The following RAB8B variants were observed in gnomAD, a reference collection of about 807,000 sequenced individuals.
RAB8B encodes RAB8B, member RAS oncogene family, also known as ras-related protein Rab-8B.
RAB8B carries 11 observed loss-of-function variants against 32.0 expected under a neutral mutation model. That is an observed-to-expected ratio of 0.34 (90% CI 0.22 to 0.57). RAB8B has a LOEUF of 0.57. Ranked by LOEUF, RAB8B falls within the 20% of genes least tolerant of loss-of-function variation. The pLI is 0.86. For synonymous variants in RAB8B, 103 were observed against 89.6 expected, an observed-to-expected ratio of 1.15 and a Z score of -0.85; for missense variants, 190 against 258.5, an observed-to-expected ratio of 0.73 and a Z score of 1.82.
At chr15:63,227,755 A>G (rs1413602846) in intron 1 of RAB8B, among the ~76,000 whole-genome samples, 1 of 152,204 alleles carries the variant, frequency 6.6e-6, no homozygotes, top group Non-Finnish European at 1.5e-5. Context: ...AAACAGAAAG[A>G]TGAGTTAAAA....
intron 1 of RAB8B, among the ~76,000 whole-genome samples, chr15:63,208,843 A>G (rs1411468298): frequency 6.6e-6 from 1 of 150,732 alleles, no homozygotes; most frequent in African/African-American, 2.4e-5. Flanking sequence ...TGTTGTTCCT[A>G]TAAGTAGAAC....
intron 1 of RAB8B, among the ~76,000 whole-genome samples, chr15:63,199,162 G>A (rs1467806199): frequency 6.6e-6 from 1 of 152,202 alleles, no homozygotes; most frequent in Admixed American, 6.5e-5. Context: ...CCAAGATTTA[G>A]AGAGAGGGGA....
intron 1 of RAB8B, among the ~76,000 whole-genome samples, chr15:63,239,788 T>C (rs2038016671): frequency 6.6e-6 from 1 of 152,150 alleles, no homozygotes; most frequent in African/African-American, 2.4e-5. Flanking sequence ...ACCTACCCTT[T>C]AATTTAGTTA....
At chr15:63,231,625 T>A (rs2037937930) in intron 1 of RAB8B, among the ~76,000 whole-genome samples, 1 of 152,010 alleles carries the variant, frequency 6.6e-6, no homozygotes, top group Non-Finnish European at 1.5e-5. Context: ...ATAATAGAGG[T>A]TCATACTCGA....
At position 63,248,743 on chromosome 15, in the gene RAB8B, T is replaced by C. The variant is rs193106019; in HGVS notation, c.186-902T>C. Among the ~76,000 whole-genome samples the C allele has an allele frequency of 4.5e-4, 69 of 152,308 alleles. No homozygotes were observed. The highest frequency in any genetic ancestry group is 3.4e-3 in the Middle Eastern group (1 of 294). On this transcript the variant is annotated intron_variant, in intron 2 of 7. Coordinates refer to ENST00000321437, the MANE Select transcript of RAB8B (RefSeq NM_016530.3). This position sits in a 1 kb window ranked among gnomAD's most constrained non-coding sequence, Gnocchi z 4.4. ...AAGGTGTTTATTGCTTTTTAACTTA[T>C]GATATTCCCTTGGGCCTTCATCTTT...
Position 63,189,692 on chromosome 15 carries a change from G to A in RAB8B, c.68G>A (p.Cys23Tyr). 1.2e-6 allele frequency: 2 copies of A among 1,613,568 alleles called. No individual in the cohort carries two copies. The highest frequency in any genetic ancestry group is 1.7e-6 in the Non-Finnish European group (2 of 1,179,732). ...LIGDSGVGKT[C>Y]LLFRFSEDAF... Reference sequence around the variant, plus strand: ...GGCGACTCGGGGGTAGGCAAGACCTGCCTCCTGTTCCGCTTCTCAGAGGAC... The same window carrying A: ...GGCGACTCGGGGGTAGGCAAGACCTACCTCCTGTTCCGCTTCTCAGAGGAC... The change falls in exon 1 of 8, where the codon TGC becomes TAC. Residue 23 changes from cysteine to tyrosine, a missense_variant. Coordinates refer to ENST00000321437, the MANE Select transcript of RAB8B (RefSeq NM_016530.3).
intron 1 of RAB8B, among the ~76,000 whole-genome samples, chr15:63,241,759 G>A (rs915552895): frequency 4.6e-5 from 7 of 152,098 alleles, no homozygotes; most frequent in African/African-American, 1.7e-4. Context: ...CTTGATGCCA[G>A]GCCCAAAGAG....
chr15:63,199,032 T>A (rs2037626281), intron 1 of RAB8B, among the ~76,000 whole-genome samples: 1 of 152,248 alleles, frequency 6.6e-6, no homozygotes, highest in Non-Finnish European at 1.5e-5. Flanking sequence ...CTTCTAAATA[T>A]CTCTGAGTAA....
chr15:63,235,930 C>G (rs2037975303), intron 1 of RAB8B, among the ~76,000 whole-genome samples: 1 of 152,064 alleles, frequency 6.6e-6, no homozygotes, highest in Non-Finnish European at 1.5e-5. Context: ...ATACTATGAC[C>G]CTTAAAGAGG....
chr15:63,262,363 A>T (rs1395522393), intron 6 of RAB8B, among the ~76,000 whole-genome samples: 2 of 152,206 alleles, frequency 1.3e-5, no homozygotes, highest in Non-Finnish European at 1.5e-5. Flanking sequence ...TTTATGATAC[A>T]ATCTCAAAAG....
chr15:63,262,855 G>C (rs1019810127), intron 7 of RAB8B, 113 bp downstream of exon 7: 1 of 335,112 alleles, frequency 3.0e-6, no homozygotes, highest in African/African-American at 2.2e-5. Context: ...TCCTGACTCA[G>C]ATACTCATTT....
rs1286868975 is a variant in RAB8B, at chr15:63,189,719, C to G, written c.95C>G (p.Ala32Gly). ...TCLLFRFSED[A>G]FNTTFISTIG... ...CTCCTGTTCCGCTTCTCAGAGGACG[C>G]CTTCAACACCACCTTCATCTCCACC... The change falls in exon 1 of 8, where the codon GCC (alanine) becomes GGC (glycine). Residue 32 changes from alanine to glycine, a missense_variant. Ala to Gly is a moderately conservative substitution (Grantham distance 60, BLOSUM62 0). Around this residue, in one of 2 missense-constraint regions of RAB8B, gnomAD observed 80 missense variants for 142.6 expected, o/e 0.56. Coordinates refer to ENST00000321437, the MANE Select transcript of RAB8B (RefSeq NM_016530.3). The G allele has an allele frequency of 6.8e-6, 11 of 1,613,360 alleles. No individual in the cohort carries two copies. Among genetic ancestry groups the G allele is most frequent in the Non-Finnish European group, 9.3e-6 (11 of 1,179,704 alleles).
At chr15:63,220,685 A>T (rs2037837246) in intron 1 of RAB8B, among the ~76,000 whole-genome samples, 1 of 152,206 alleles carries the variant, frequency 6.6e-6, no homozygotes, top group Non-Finnish European at 1.5e-5. Flanking sequence ...TTCCAGTAGG[A>T]TCAATCTAGA....
intron 1 of RAB8B, among the ~76,000 whole-genome samples, chr15:63,197,364 TCTTTTC>T (rs2037610213): frequency 7.3e-6 from 1 of 137,130 alleles, no homozygotes; most frequent in Non-Finnish European, 1.5e-5. Context: ...TTTCTTTCTT[TCTTTTC>T]TTTTTTTTTT....
Position 63,189,755 on chromosome 15 carries a change from G to A in RAB8B, c.124+7G>A. On this transcript the variant is annotated splice_region_variant and intron_variant, in intron 1 of 7. Transcript: ENST00000321437. ...ACCTTCATCTCCACCATCGGTGAGGGAGGGGCCGCGGCCCGGGACCGGGTA... is the reference window on the plus strand; with the variant it reads ...ACCTTCATCTCCACCATCGGTGAGGAAGGGGCCGCGGCCCGGGACCGGGTA... 1 of 1,531,088 alleles carries A rather than the reference G, an allele frequency of 6.5e-7. No homozygotes were observed. Among genetic ancestry groups the A allele is most frequent in the Non-Finnish European group, 8.8e-7 (1 of 1,130,026 alleles). The allele number at this position is 1,531,088 out of a possible 1,614,324, so 94.8% of individuals were successfully genotyped here.
At chr15:63,242,874 G>A (rs1405796785) in intron 1 of RAB8B, among the ~76,000 whole-genome samples, 1 of 152,120 alleles carries the variant, frequency 6.6e-6, no homozygotes, top group East Asian at 1.9e-4. Flanking sequence ...TGGTGGTGTG[G>A]GGGTGGGGGT....
chr15:63,218,865 A>G (rs2037815412), intron 1 of RAB8B, among the ~76,000 whole-genome samples: 1 of 152,060 alleles, frequency 6.6e-6, no homozygotes, highest in Non-Finnish European at 1.5e-5. Context: ...TACTCACAAA[A>G]TAGGAAGAAA....
intron 1 of RAB8B, among the ~76,000 whole-genome samples, chr15:63,230,503 C>T (rs371185984): frequency 4.6e-5 from 7 of 152,124 alleles, no homozygotes; most frequent in East Asian, 1.9e-4. Context: ...GGTTTCGCCA[C>T]GTTGGCCAAG....
chr15:63,196,794 A>G (rs969569234), intron 1 of RAB8B, among the ~76,000 whole-genome samples: 8 of 152,354 alleles, frequency 5.3e-5, no homozygotes, highest in African/African-American at 1.9e-4. Context: ...AAAATGCTAC[A>G]TATCTTTCTA....
Sources: allele counts gnomAD v4.1 joint callset (sites outside exome capture counted in the v4.1 genomes callset), GRCh38; gene constraint gnomAD v4.1.1; regional missense constraint gnomAD v4.1.1; non-coding constraint Gnocchi (gnomAD v3.1); transcripts MANE v1.5; gene names NCBI Gene and HGNC (gene_info 2026-07-23, HGNC 2026-07-21).